The following PROSER2 variants were observed in gnomAD, a reference collection of about 807,000 sequenced individuals.
PROSER2 encodes the protein proline and serine rich 2.
Under a neutral mutation model 14.6 loss-of-function variants are expected in PROSER2, and 18 were observed. The observed-to-expected ratio is 1.23, with a 90% confidence interval of 0.85 to 1.83. The LOEUF is 1.83. PROSER2 is among the 40% of genes most tolerant of loss of function. The pLI is 0.00. For missense variants in PROSER2, 823 were observed against 629.8 expected, an observed-to-expected ratio of 1.31 and a Z score of -3.28; for synonymous variants, 367 against 286.4, an observed-to-expected ratio of 1.28 and a Z score of -2.84.
In PROSER2 at chr10:11,870,431, C is replaced by G; in HGVS notation, c.*25C>G. On this transcript the variant is annotated 3_prime_UTR_variant, in exon 4 of 4. Coordinates refer to ENST00000277570, the MANE Select transcript of PROSER2 (RefSeq NM_153256.4). ...AGGGCCGCGCGGGCTCCAGTCCACC[C>G]CGTTTCTCCCCACCCTGAAGAGAGG... is the stretch of plus-strand genomic sequence containing the variant. 1 of 1,448,072 alleles carries G rather than the reference C, an allele frequency of 6.9e-7. No individual in the cohort carries two copies. Among genetic ancestry groups the G allele is most frequent in the Non-Finnish European group, 9.1e-7 (1 of 1,102,378 alleles). 89.7% of individuals were successfully genotyped at this position (1,448,072 alleles called of 1,614,324 possible).
At chr10:11,848,189 G>A (rs113686308) in intron 1 of PROSER2, among the ~76,000 whole-genome samples, 5,468 of 152,188 alleles carry the variant, frequency 0.036, 326 homozygotes, top group African/African-American at 0.13. Context: ...TGTATTTTGA[G>A]ACAGAGTCTC....
At chr10:11,848,022 G>A (rs1052038477) in intron 1 of PROSER2, among the ~76,000 whole-genome samples, 12 of 152,070 alleles carry the variant, frequency 7.9e-5, no homozygotes, top group African/African-American at 2.4e-4. Context: ...CTCCATCCTC[G>A]TCTTCACCCA....
In PROSER2 at chr10:11,869,585, C is replaced by G. The variant is rs751689350; in HGVS notation, c.487C>G (p.Pro163Ala). Reference protein sequence around the residue: ...PAPETLLAPPPLPSTPDPPRR... With the variant: ...PAPETLLAPPALPSTPDPPRR... ...TCCCGAGACCCTTCTTGCGCCACCA[C>G]CCCTGCCTAGCACCCCCGATCCCCC... The change falls in exon 4 of 4, where the codon CCC becomes GCC. Residue 163 changes from proline (P) to alanine (A), a missense_variant. Pro to Ala is a conservative substitution (Grantham distance 27). Transcript: ENST00000277570. The surrounding 1 kb of genome is among the most constrained non-coding windows in gnomAD (Gnocchi z 4.4). 7.5e-6 allele frequency: 12 copies of G among 1,608,730 alleles called. No individual in the cohort carries two copies. The highest frequency in any genetic ancestry group is 9.4e-6 in the Non-Finnish European group (11 of 1,175,924).
chr10:11,847,379 G>A (rs2131065282), intron 1 of PROSER2, among the ~76,000 whole-genome samples: 1 of 152,118 alleles, frequency 6.6e-6, no homozygotes, highest in Non-Finnish European at 1.5e-5. Context: ...GGAGTCAGTG[G>A]CTGGTTTTTA....
rs1216752129 is a variant in PROSER2, at chr10:11,856,252, G to A, written c.138+4037G>A. 1.3e-5 allele frequency among the ~76,000 whole-genome samples: 2 copies of A among 152,176 alleles called. No homozygotes were observed. Among genetic ancestry groups the A allele is most frequent in the Non-Finnish European group, 2.9e-5 (2 of 68,032 alleles). On this transcript the variant is annotated intron_variant, in intron 2 of 3. Transcript: ENST00000277570. This position sits in a 1 kb window ranked among gnomAD's most constrained non-coding sequence, Gnocchi z 5.3. Reference sequence around the variant, plus strand: ...CTGCTGCAGGCGGCTCTGGGTGTTTGGTTACCACCGTCACCCTCTAAGGCC... The same window carrying A: ...CTGCTGCAGGCGGCTCTGGGTGTTTAGTTACCACCGTCACCCTCTAAGGCC...
At chr10:11,825,628 T>C (rs1588480405) in intron 1 of PROSER2, among the ~76,000 whole-genome samples, 1 of 152,346 alleles carries the variant, frequency 6.6e-6, no homozygotes, top group African/African-American at 2.4e-5. Flanking sequence ...AAGGTGCCGC[T>C]TTCCATAATG....
At position 11,856,843 on chromosome 10, in the gene PROSER2, T is replaced by C. The variant is rs116493468; in HGVS notation, c.138+4628T>C. Reference sequence around the variant, plus strand: ...CCGGGCCGGAGCAAAGTCTGAGGAGTGTGCTAGAAATCTGATGTGCTGTTT... The same window carrying C: ...CCGGGCCGGAGCAAAGTCTGAGGAGCGTGCTAGAAATCTGATGTGCTGTTT... On this transcript the variant is annotated intron_variant, in intron 2 of 3. Coordinates refer to ENST00000277570, the MANE Select transcript of PROSER2 (RefSeq NM_153256.4). This position sits in a 1 kb window ranked among gnomAD's most constrained non-coding sequence, Gnocchi z 5.3. Among the ~76,000 whole-genome samples, 2,966 of 151,902 alleles carry C rather than the reference T, an allele frequency of 0.02. 87 individuals are homozygous for C. The highest frequency in any genetic ancestry group is 0.067 in the African/African-American group (2,758 of 41,398).
intron 1 of PROSER2, among the ~76,000 whole-genome samples, chr10:11,844,920 C>A (rs1171392388): frequency 1.3e-5 from 2 of 152,228 alleles, no homozygotes; most frequent in Non-Finnish European, 2.9e-5. Context: ...CCACTCCCAG[C>A]CTTCCGCATT....
In PROSER2 at chr10:11,837,417, C is replaced by T. The variant is rs1265179799; in HGVS notation, c.-82+13947C>T. Among the ~76,000 whole-genome samples, 12 of 152,164 alleles carry T rather than the reference C, an allele frequency of 7.9e-5. No individual in the cohort carries two copies. The highest frequency in any genetic ancestry group is 2.7e-4 in the African/African-American group (11 of 41,436). On this transcript the variant is annotated intron_variant, in intron 1 of 3. Coordinates refer to ENST00000277570, the MANE Select transcript of PROSER2 (RefSeq NM_153256.4). This position sits in a 1 kb window ranked among gnomAD's most constrained non-coding sequence, Gnocchi z 4.6. Reference sequence around the variant, plus strand: ...AACACGAGCTCCGATTGCTGGCAGACGGGTTGGGATTGGTGCTGTCTGCAG... The same window carrying T: ...AACACGAGCTCCGATTGCTGGCAGATGGGTTGGGATTGGTGCTGTCTGCAG...
chr10:11,844,157 A>G (rs1213700197), intron 1 of PROSER2, among the ~76,000 whole-genome samples: 1 of 151,874 alleles, frequency 6.6e-6, no homozygotes, highest in Non-Finnish European at 1.5e-5. Context: ...GTGCCTGGCT[A>G]TTTTTTAAAT....
chr10:11,828,763 G>A (rs923532123), intron 1 of PROSER2, among the ~76,000 whole-genome samples: 1 of 152,128 alleles, frequency 6.6e-6, no homozygotes, highest in Non-Finnish European at 1.5e-5. Context: ...GTGAAGATTT[G>A]AGTTCCTAAC....
chr10:11,870,495 A>G lies in PROSER2; in HGVS notation c.*89A>G, dbSNP rs1834464399. 8.7e-7 allele frequency: 1 copy of G among 1,152,014 alleles called. No homozygotes were observed. The highest frequency in any genetic ancestry group is 1.2e-6 in the Non-Finnish European group (1 of 861,678). 71.4% of individuals were successfully genotyped at this position (1,152,014 alleles called of 1,614,324 possible). The stretch of plus-strand genomic sequence containing the variant: ...TGCACCCAGGAGCTGTTTGGTCTAA[A>G]ATGGAAGTGACAGCGGGAGCCCCTG... On this transcript the variant is annotated 3_prime_UTR_variant, in exon 4 of 4. Transcript: ENST00000277570.
intron 2 of PROSER2, among the ~76,000 whole-genome samples, chr10:11,858,844 A>C (rs753122086): frequency 1.3e-5 from 2 of 149,570 alleles, no homozygotes; most frequent in Non-Finnish European, 3.0e-5. Context: ...CCCCATCTCT[A>C]CTAAAAATAA....
intron 2 of PROSER2, among the ~76,000 whole-genome samples, chr10:11,860,723 T>G (rs4747949): frequency 0.22 from 33,175 of 152,152 alleles, 3,863 homozygotes; most frequent in Non-Finnish European, 0.26. Flanking sequence ...ATGAAATGTA[T>G]GAGGCCTGCG....
Position 11,869,684 on chromosome 10 carries a change from G to A in PROSER2, c.586G>A (p.Val196Ile). Residue 196 changes from valine to isoleucine, a missense_variant, in exon 4 of 4, where the codon GTT becomes ATT. Coordinates refer to ENST00000277570, the MANE Select transcript of PROSER2 (RefSeq NM_153256.4). The surrounding 1 kb of genome is among the most constrained non-coding windows in gnomAD (Gnocchi z 4.4). Reference sequence around the variant, plus strand: ...CCTGCGCTCTGTTCCCACGCCCCTCGTTATGGCGCAGAAGATTTCCGAGAG... The same window carrying A: ...CCTGCGCTCTGTTCCCACGCCCCTCATTATGGCGCAGAAGATTTCCGAGAG... ...RLLRSVPTPL[V>I]MAQKISERMA... 2.5e-6 allele frequency: 4 copies of A among 1,598,336 alleles called. No homozygotes were observed. Among genetic ancestry groups the A allele is most frequent in the Non-Finnish European group, 3.4e-6 (4 of 1,173,004 alleles).
intron 3 of PROSER2, among the ~76,000 whole-genome samples, chr10:11,868,516 C>T (rs562563907): frequency 4.8e-4 from 73 of 152,302 alleles, no homozygotes; most frequent in African/African-American, 1.7e-3. Context: ...AAGTGATCCT[C>T]CCACCTCAGC....
intron 1 of PROSER2, among the ~76,000 whole-genome samples, chr10:11,840,942 AAAAAAAAAAAAAAATATATATATAT>A (rs1315874520): frequency 4.0e-3 from 240 of 60,670 alleles, no homozygotes; most frequent in African/African-American, 0.016. Flanking sequence ...AAAAAAAAAA[AAAAAAAAAAAAAAATATATATATAT>A]ATATATATAT....
intron 1 of PROSER2, among the ~76,000 whole-genome samples, chr10:11,848,936 C>T (rs2131067004): frequency 6.6e-6 from 1 of 152,266 alleles, no homozygotes; most frequent in East Asian, 1.9e-4. Flanking sequence ...CGCCTGTAAT[C>T]CCAGCACTTT....
In PROSER2 at chr10:11,865,819, T is replaced by C. The variant is rs1462165210; in HGVS notation, c.139-712T>C. On this transcript the variant is annotated intron_variant, in intron 2 of 3. Transcript: ENST00000277570. This position sits in a 1 kb window ranked among gnomAD's most constrained non-coding sequence, Gnocchi z 4.2. Reference sequence around the variant, plus strand: ...CGAGTTTTGTGCCGGGATGAGCTCATTGCTTCTGAAAGAGACTTTCAAACA... The same window carrying C: ...CGAGTTTTGTGCCGGGATGAGCTCACTGCTTCTGAAAGAGACTTTCAAACA... 6.6e-6 allele frequency among the ~76,000 whole-genome samples: 1 copy of C among 152,070 alleles called. No individual in the cohort carries two copies. The highest frequency in any genetic ancestry group is 1.5e-5 in the Non-Finnish European group (1 of 67,990).
Sources: gnomAD v4.1 joint callset for allele counts (sites outside exome capture counted in the v4.1 genomes callset) on GRCh38, gnomAD v4.1.1 for gene constraint, Gnocchi (gnomAD v3.1) non-coding constraint, MANE v1.5 for transcripts, NCBI Gene and HGNC (gene_info 2026-07-23, HGNC 2026-07-21) for gene names.